The following DGKG variants were observed in gnomAD, a reference collection of about 807,000 sequenced individuals.
DGKG encodes the protein diacylglycerol kinase gamma, also known as DAG kinase gamma.
A neutral mutation model predicts 105.3 loss-of-function variants in DGKG; 78 were observed. The ratio of observed to expected loss-of-function variants is 0.74; its 90% CI spans 0.62 to 0.89. The LOEUF (loss-of-function observed/expected upper bound fraction) is 0.89. Ranked by LOEUF, DGKG falls within the 40% of genes least tolerant of loss-of-function variation. The pLI is 0.00. For synonymous variants in DGKG, 346 were observed against 367.1 expected (o/e 0.94, Z 0.66); for missense variants, 958 against 1,020.1 (o/e 0.94, Z 0.83).
intron 3 of DGKG, among the ~76,000 whole-genome samples, chr3:186,300,356 C>T (rs1384779659): frequency 6.6e-6 from 1 of 152,200 alleles, no homozygotes; most frequent in African/African-American, 2.4e-5. Context: ...TCCTTAATCC[C>T]ATTCGGATTG....
rs575274626 is a variant in DGKG, at chr3:186,206,027, T to C, written c.1917+5768A>G. 3.9e-5 allele frequency among the ~76,000 whole-genome samples: 6 copies of C among 152,302 alleles called. No homozygotes were observed. The South Asian group carries it at 1.2e-3, about 32-fold the overall frequency. On this transcript the variant is annotated intron_variant, in intron 21 of 24. Transcript: ENST00000265022. ...TACTTCCCCTCCATCAAAGTTTATA[T>C]TAGTTCATATTAGTGGAGCTGGCTG...
chr3:186,332,295 A>C (rs1725640307), intron 1 of DGKG, among the ~76,000 whole-genome samples: 1 of 152,230 alleles, frequency 6.6e-6, no homozygotes, highest in Non-Finnish European at 1.5e-5. Flanking sequence ...ACTTCGAAAG[A>C]AAACCTTGCT....
intron 1 of DGKG, among the ~76,000 whole-genome samples, chr3:186,333,959 T>C (rs115009627): frequency 0.012 from 1,847 of 152,258 alleles, 37 homozygotes; most frequent in African/African-American, 0.042. Flanking sequence ...TAAGTTCCCA[T>C]GGAGTAGAAG....
chr3:186,333,405 G>T (rs991932460), intron 1 of DGKG, among the ~76,000 whole-genome samples: 2 of 152,078 alleles, frequency 1.3e-5, no homozygotes, highest in African/African-American at 4.8e-5. Context: ...CAGATTTTGG[G>T]TCTGTCAAAT....
chr3:186,280,736 A>G lies in DGKG; in HGVS notation c.603T>C (p.Asp201=), dbSNP rs1281816933. 2 of 1,613,788 alleles carry G rather than the reference A, an allele frequency of 1.2e-6. No individual in the cohort carries two copies. Among genetic ancestry groups the G allele is most frequent in the East Asian group, 4.5e-5 (2 of 44,890 alleles). ...TATGCAGCATTTGGTTGACAATGCA[A>G]TCCATCTCCTAGAAAATAGCAAAGG... The part of the protein sequence containing the change: ...ENGLLDQAEM[D]CIVNQMLHIA... The change falls in exon 8 of 25, where the codon GAT becomes GAC. Residue 201 remains aspartate, a synonymous_variant. Coordinates refer to ENST00000265022, the MANE Select transcript of DGKG (RefSeq NM_001346.3).
chr3:186,246,996 C>T (rs1323307188), intron 19 of DGKG, among the ~76,000 whole-genome samples: 1 of 152,104 alleles, frequency 6.6e-6, no homozygotes, highest in African/African-American at 2.4e-5. Context: ...TTTTGTAGTC[C>T]CAAACTTCCT....
rs751548368 is a variant in DGKG at position 186,267,771 on chromosome 3, G to A, written c.1123C>T (p.Arg375Cys). The A allele has an allele frequency of 3.1e-5, 50 of 1,613,612 alleles. No homozygotes were observed. Among genetic ancestry groups the A allele is most frequent in the East Asian group, 6.7e-5 (3 of 44,884 alleles). Residue 375 changes from arginine to cysteine, a missense_variant, in exon 13 of 25, where the codon CGC becomes TGC. Arg to Cys is a radical substitution (Grantham distance 180). Coordinates refer to ENST00000265022, the MANE Select transcript of DGKG (RefSeq NM_001346.3). Reference protein sequence around the residue: ...HCVWCRMTFHRKCELSTLCDG... With the variant: ...HCVWCRMTFHCKCELSTLCDG... The stretch of plus-strand genomic sequence containing the variant: ...CACAACGTTGATAATTCACATTTGC[G>A]GTGAAACTGGGGGGAGAAATGAAAA...
chr3:186,333,020 C>T (rs1725672427), intron 1 of DGKG, among the ~76,000 whole-genome samples: 1 of 152,084 alleles, frequency 6.6e-6, no homozygotes, highest in South Asian at 2.1e-4. Context: ...AGATGCAGTC[C>T]CTCAACCTTG....
At chr3:186,273,371 T>C (rs1464380879) in intron 10 of DGKG, among the ~76,000 whole-genome samples, 2 of 129,292 alleles carry the variant, frequency 1.5e-5, no homozygotes, top group African/African-American at 5.5e-5. Context: ...GTACCCCTTT[T>C]TTTTTTTTTT....
chr3:186,254,715 G>A lies in DGKG; in HGVS notation c.1511-1533C>T, dbSNP rs190490038. Among the ~76,000 whole-genome samples, 59 of 151,638 alleles carry A rather than the reference G, an allele frequency of 3.9e-4. 1 individual carries two copies. The highest frequency in any genetic ancestry group is 3.5e-3 in the East Asian group (18 of 5,162). On this transcript the variant is annotated intron_variant, in intron 17 of 24. Transcript: ENST00000265022. ...GGTATGATTCCTTCCCACTGGTATC[G>A]CTGCAACAGCCTCCTCTCGGCTCTC...
Position 186,149,417 on chromosome 3 carries a change from C to G in DGKG, c.*673G>C. On this transcript the variant is annotated 3_prime_UTR_variant, in exon 25 of 25. Transcript: ENST00000265022. ...CCGCCTCTAAGCAAACATGTAGACA[C>G]CAGGAGAAGGTTCCTGGAAAATAAC... 1 of 985,428 alleles carries G rather than the reference C, an allele frequency of 1.0e-6. No homozygotes were observed. 61.0% of individuals were successfully genotyped at this position (985,428 alleles called of 1,614,324 possible).
chr3:186,180,212 G>A (rs1054467493), intron 22 of DGKG, among the ~76,000 whole-genome samples: 4 of 152,174 alleles, frequency 2.6e-5, no homozygotes, highest in South Asian at 2.1e-4. Context: ...ACATGGGTAC[G>A]GGGAGGAGGC....
chr3:186,149,001 T>TAC lies in DGKG; in HGVS notation c.*1088_*1089insGT. The stretch of plus-strand genomic sequence containing the variant: ...TAAATATATAGGCTAAATATATATA[T>TAC]ATACACGCACACACACACACACACG... On this transcript the variant is annotated 3_prime_UTR_variant, in exon 25 of 25. Coordinates refer to ENST00000265022, the MANE Select transcript of DGKG (RefSeq NM_001346.3). 1.1e-6 allele frequency: 1 copy of TAC among 881,692 alleles called. No homozygotes were observed. The highest frequency in any genetic ancestry group is 1.4e-6 in the Non-Finnish European group (1 of 738,094). 54.6% of individuals were successfully genotyped at this position (881,692 alleles called of 1,614,324 possible).
At chr3:186,268,959 C>A in intron 11 of DGKG, 42 bp from the exon 12 acceptor site, 1 of 1,450,474 alleles carries the variant, frequency 6.9e-7, no homozygotes, top group Non-Finnish European at 9.7e-7. Flanking sequence ...AATGGCAGAA[C>A]CATGTCCCCG....
intron 3 of DGKG, among the ~76,000 whole-genome samples, chr3:186,306,375 G>A (rs1266651929): frequency 6.6e-6 from 1 of 152,082 alleles, no homozygotes; most frequent in African/African-American, 2.4e-5. Context: ...AGGAGACAGA[G>A]GTAGAGATAT....
At chr3:186,268,738 T>C (rs1363228567) in intron 12 of DGKG, 63 bp downstream of exon 12, 1 of 1,210,688 alleles carries the variant, frequency 8.3e-7, no homozygotes, top group Admixed American at 1.7e-5. Flanking sequence ...TCACTGCTCC[T>C]GGGCTGCAGC....
At chr3:186,286,167 T>G (rs1345707357) in intron 6 of DGKG, among the ~76,000 whole-genome samples, 2 of 152,110 alleles carry the variant, frequency 1.3e-5, no homozygotes, top group Non-Finnish European at 2.9e-5. Flanking sequence ...TTTTCAGGGG[T>G]GCATCGCTGG....
At position 186,251,567 on chromosome 3, in the gene DGKG, A is replaced by G. The variant is rs79403818; in HGVS notation, c.1761+192T>C. Among the ~76,000 whole-genome samples, 305 of 152,232 alleles carry G rather than the reference A, an allele frequency of 2.0e-3. 1 individual carries two copies. The highest frequency in any genetic ancestry group is 3.4e-3 in the Middle Eastern group (1 of 294). On this transcript the variant is annotated intron_variant, in intron 19 of 24. Coordinates refer to ENST00000265022, the MANE Select transcript of DGKG (RefSeq NM_001346.3). ...AGAGAATTTACTCCCTAAGCAAGAG[A>G]TGGGGAATAAAGCGGGGGTGCAATC...
chr3:186,329,190 G>A (rs917379720), intron 1 of DGKG, among the ~76,000 whole-genome samples: 2 of 152,142 alleles, frequency 1.3e-5, no homozygotes, highest in Non-Finnish European at 2.9e-5. Flanking sequence ...GTCTGACTTG[G>A]GTAGGAGAAG....
Sources: allele counts gnomAD v4.1 joint callset (sites outside exome capture counted in the v4.1 genomes callset), GRCh38; gene constraint gnomAD v4.1.1; transcripts MANE v1.5; gene names NCBI Gene and HGNC (gene_info 2026-07-23, HGNC 2026-07-21).